MAP2K4: variants seen among roughly 807,000 people sequenced by gnomAD.
MAP2K4 encodes dual specificity mitogen-activated protein kinase kinase 4.
MAP2K4 carries 4 observed loss-of-function variants against 48.5 expected under a neutral mutation model. That is an observed-to-expected ratio of 0.08 (90% CI 0.04 to 0.19). The LOEUF is 0.19. MAP2K4 is among the 10% of genes least tolerant of loss of function. The probability of loss-of-function intolerance (pLI) is 1.00; values close to 1 mark genes in which losing one functional copy is unlikely to be tolerated. For synonymous variants in MAP2K4, 166 were observed against 173.1 expected, an observed-to-expected ratio of 0.96 and a Z score of 0.32; for missense variants, 258 against 493.3, an observed-to-expected ratio of 0.52 and a Z score of 4.52.
chr17:12,136,681 T>C (rs1204537975), intron 9 of MAP2K4, among the ~76,000 whole-genome samples: 1 of 152,184 alleles, frequency 6.6e-6, no homozygotes, highest in Non-Finnish European at 1.5e-5. Flanking sequence ...AAGAAGACAG[T>C]CAATGTTAAT....
At chr17:12,021,734 GAAAAAAAAAAAA>G (rs896882494) in intron 1 of MAP2K4, among the ~76,000 whole-genome samples, 1 of 99,984 alleles carries the variant, frequency 1.0e-5, no homozygotes, top group Non-Finnish European at 1.9e-5. Flanking sequence ...CGTGCAGGAA[GAAAAAAAAAAAA>G]AAAAAAAAAG....
chr17:12,097,326 A>G (rs1470275041), intron 4 of MAP2K4, among the ~76,000 whole-genome samples: 7 of 152,210 alleles, frequency 4.6e-5, no homozygotes, highest in Non-Finnish European at 1.0e-4. Flanking sequence ...CCTGAACCCT[A>G]AATCACCTCC....
At chr17:12,033,132 G>A (rs1270055656) in intron 1 of MAP2K4, among the ~76,000 whole-genome samples, 4 of 150,816 alleles carry the variant, frequency 2.7e-5, no homozygotes, top group African/African-American at 7.3e-5. Context: ...GACTGTACCC[G>A]GCCAAAAAAA....
chr17:12,048,881 T>A (rs1238580728), intron 1 of MAP2K4, among the ~76,000 whole-genome samples: 1 of 152,256 alleles, frequency 6.6e-6, no homozygotes. Flanking sequence ...GGTCTTGAAC[T>A]CCTGACCTCA....
chr17:12,070,580 G>A (rs931545234), intron 2 of MAP2K4, among the ~76,000 whole-genome samples: 4 of 152,164 alleles, frequency 2.6e-5, no homozygotes, highest in Admixed American at 6.5e-5. Flanking sequence ...AAAGGATATA[G>A]AAAATATGAT....
chr17:12,052,495 TTTA>T (rs1390725883), intron 1 of MAP2K4, among the ~76,000 whole-genome samples: 1 of 152,234 alleles, frequency 6.6e-6, no homozygotes, highest in African/African-American at 2.4e-5. Flanking sequence ...TGTAATATAT[TTTA>T]TTGTTTATCT....
intron 2 of MAP2K4, among the ~76,000 whole-genome samples, chr17:12,075,377 C>A (rs1027660505): frequency 6.6e-6 from 1 of 152,108 alleles, no homozygotes; most frequent in East Asian, 1.9e-4. Context: ...AATTTGAGGG[C>A]AGTCATTGAT....
At chr17:12,066,898 C>T (rs1304989904) in intron 2 of MAP2K4, among the ~76,000 whole-genome samples, 2 of 152,148 alleles carry the variant, frequency 1.3e-5, no homozygotes, top group Non-Finnish European at 2.9e-5. Context: ...ACCGTGGTCT[C>T]GATCTCCTGA....
chr17:12,046,977 TTGTC>T (rs1380308729), intron 1 of MAP2K4, among the ~76,000 whole-genome samples: 2 of 152,060 alleles, frequency 1.3e-5, no homozygotes, highest in Non-Finnish European at 2.9e-5. Context: ...GCTTTTGCCT[TTGTC>T]TGGTGTTCTA....
intron 1 of MAP2K4, among the ~76,000 whole-genome samples, chr17:12,024,891 G>A (rs988762763): frequency 6.6e-6 from 1 of 152,184 alleles, no homozygotes; most frequent in African/African-American, 2.4e-5. Context: ...AGCTGGGTTA[G>A]TGTGAATCCT....
intron 5 of MAP2K4, among the ~76,000 whole-genome samples, chr17:12,108,334 T>C (rs1457308971): frequency 6.6e-6 from 1 of 152,162 alleles, no homozygotes; most frequent in African/African-American, 2.4e-5. Flanking sequence ...GGTTACTCCA[T>C]AATTGAAGCC....
At chr17:12,080,171 A>G (rs1438418669) in intron 2 of MAP2K4, among the ~76,000 whole-genome samples, 5 of 152,220 alleles carry the variant, frequency 3.3e-5, no homozygotes, top group Admixed American at 6.5e-5. Context: ...TGGGAACCTT[A>G]AAGGTTGCTA....
At chr17:12,118,336 T>C (rs1972568388) in intron 7 of MAP2K4, among the ~76,000 whole-genome samples, 1 of 152,172 alleles carries the variant, frequency 6.6e-6, no homozygotes, top group Admixed American at 6.5e-5. Flanking sequence ...GATGTATTAA[T>C]GCAGTAGGCC....
At chr17:12,077,051 C>T (rs113007446) in intron 2 of MAP2K4, among the ~76,000 whole-genome samples, 3 of 152,212 alleles carry the variant, frequency 2.0e-5, no homozygotes, top group African/African-American at 7.2e-5. Context: ...TGTTTTTAAC[C>T]AGGGTATCAA....
intron 3 of MAP2K4, chr17:12,082,142 T>TAAAAA: frequency 4.7e-6 from 1 of 213,094 alleles, no homozygotes; most frequent in Non-Finnish European, 1.0e-5. Flanking sequence ...ATATGTTCAT[T>TAAAAA]AAAAAAAAAA....
In MAP2K4 at chr17:12,066,424, GT is replaced by G. The variant is rs529325860; in HGVS notation, c.218+11440del. ...TAAAGAATATTTACACACAATAGCA[GT>G]TTTTTTCTGCACTTTTTTGTAGCTT... is the stretch of plus-strand genomic sequence containing the variant. On this transcript the variant is annotated intron_variant, in intron 2 of 10. Transcript: ENST00000353533. 1.7e-3 allele frequency among the ~76,000 whole-genome samples: 252 copies of G among 152,176 alleles called. 2 individuals carry two copies. Among genetic ancestry groups the G allele is most frequent in the African/African-American group, 5.0e-3 (209 of 41,536 alleles).
In MAP2K4 at chr17:12,143,595, A is replaced by G. The variant is rs1463815434; in HGVS notation, c.*2335A>G. 3.9e-5 allele frequency: 9 copies of G among 230,776 alleles called. No individual in the cohort carries two copies. Among genetic ancestry groups the G allele is most frequent in the Admixed American group, 1.1e-4 (2 of 17,690 alleles). The allele number at this position is 230,776 out of a possible 1,614,324, so 14.3% of individuals were successfully genotyped here. ...GCTCAGTAACATAACTGCTTCTTGG[A>G]GCTTTGGAATATTTTATCCTGTATT... On this transcript the variant is annotated 3_prime_UTR_variant, in exon 11 of 11. Transcript: ENST00000353533.
At chr17:12,090,188 G>A (rs1246761972) in intron 3 of MAP2K4, among the ~76,000 whole-genome samples, 5 of 152,178 alleles carry the variant, frequency 3.3e-5, no homozygotes, top group Non-Finnish European at 7.3e-5. Flanking sequence ...AGGTAACCCA[G>A]AGTGCCTCTT....
At chr17:12,034,014 C>G (rs1169381416) in intron 1 of MAP2K4, among the ~76,000 whole-genome samples, 4 of 152,148 alleles carry the variant, frequency 2.6e-5, no homozygotes, top group Non-Finnish European at 1.5e-5. Flanking sequence ...TGGTCTCGAA[C>G]TCCTGGCTTT....
Sources: allele counts gnomAD v4.1 joint callset (sites outside exome capture counted in the v4.1 genomes callset), GRCh38; gene constraint gnomAD v4.1.1; transcripts MANE v1.5; gene names NCBI Gene and HGNC (gene_info 2026-07-23, HGNC 2026-07-21).